Variants in RPS26 observed in about 807,000 individuals in gnomAD.
RPS26 encodes small ribosomal subunit protein eS26.
A neutral mutation model predicts 14.7 loss-of-function variants in RPS26; 1 was observed. That is an observed-to-expected ratio of 0.07 (90% CI 0.02 to 0.32). The LOEUF (loss-of-function observed/expected upper bound fraction) is 0.32, where lower values mean the gene tolerates loss of function less well. Ranked by LOEUF, RPS26 falls within the 10% of genes least tolerant of loss-of-function variation. The pLI, the probability that RPS26 is intolerant of heterozygous loss-of-function variation, is 1.00. For missense variants in RPS26, 63 were observed against 157.7 expected (o/e 0.40, Z 3.22); for synonymous variants, 59 against 53.1 (o/e 1.11, Z -0.48).
Position 56,041,974 on chromosome 12 carries a change from A to T in RPS26, c.-193A>T. 1.5e-6 allele frequency: 1 copy of T among 683,242 alleles called. No individual in the cohort carries two copies. Among genetic ancestry groups the T allele is most frequent in the Non-Finnish European group, 2.7e-6 (1 of 376,610 alleles). The allele number at this position is 683,242 out of a possible 1,614,324, so 42.3% of individuals were successfully genotyped here. On this transcript the variant is annotated 5_prime_UTR_variant, in exon 1 of 4. Transcript: ENST00000646449. ...CATGTGCACTTTGTTCCATGGATAA[A>T]TAAACACTAGGAACGCATTTCCACC...
At chr12:56,042,669 C>T in intron 2 of RPS26, 67 bp downstream of exon 2, 2 of 1,374,102 alleles carry the variant, frequency 1.5e-6, no homozygotes, top group Non-Finnish European at 2.1e-6. Flanking sequence ...CCAACTTCGC[C>T]CTTTTGGAGG....
intron 2 of RPS26, 103 bp from the exon 3 acceptor site, chr12:56,043,260 T>C: frequency 8.6e-7 from 1 of 1,161,478 alleles, no homozygotes; most frequent in South Asian, 1.2e-5. Context: ...TTTAAATAGG[T>C]TTAGTTTTAA....
In RPS26 at chr12:56,042,524, G is replaced by T; in HGVS notation, c.103G>T (p.Ala35Ser). Residue 35 changes from alanine (A) to serine (S), a missense_variant, in exon 2 of 4, where the codon GCC becomes TCC. Transcript: ENST00000646449. The part of the protein sequence containing the change: ...NCARCVPKDK[A>S]IKKFVIRNIV... ...TGCCCGATGCGTGCCCAAGGACAAG[G>T]CCATTAAGAAATTCGTCATTCGAAA... The T allele has an allele frequency of 8.7e-6, 14 of 1,602,134 alleles. No individual in the cohort carries two copies. The highest frequency in any genetic ancestry group is 1.2e-5 in the Non-Finnish European group (14 of 1,177,378).
At position 56,042,416 on chromosome 12, in the gene RPS26, C is replaced by T. The variant is rs1282066272; in HGVS notation, c.4-9C>T. 3.1e-6 allele frequency: 5 copies of T among 1,613,922 alleles called. No homozygotes were observed. Among genetic ancestry groups the T allele is most frequent in the African/African-American group, 1.3e-5 (1 of 75,064 alleles). ...CCGTTTTCCTAACAGTTTTCCCATC[C>T]TGTCGCAGACAAAGAAAAGAAGGAA... On this transcript the variant is annotated splice_polypyrimidine_tract_variant and intron_variant, in intron 1 of 3. Coordinates refer to ENST00000646449, the MANE Select transcript of RPS26 (RefSeq NM_001029.5).
chr12:56,042,309 A>G, intron 1 of RPS26, 116 bp from the exon 2 acceptor site: 3 of 1,515,636 alleles, frequency 2.0e-6, no homozygotes, highest in Non-Finnish European at 2.7e-6. Context: ...TTTGCGGAGA[A>G]ACAGGAGATC....
At position 56,044,176 on chromosome 12, in the gene RPS26, G is replaced by A. The variant is rs1476182143; in HGVS notation, c.*22G>A. On this transcript the variant is annotated 3_prime_UTR_variant, in exon 4 of 4. Coordinates refer to ENST00000646449, the MANE Select transcript of RPS26 (RefSeq NM_001029.5). ...GTAAGGAGCTGAGTTCTTAAAGACT[G>A]AAGACAGGCTATTCTCTGGAGAAAA... is the stretch of plus-strand genomic sequence containing the variant. 2.6e-6 allele frequency: 4 copies of A among 1,561,622 alleles called. No individual in the cohort carries two copies. The highest frequency in any genetic ancestry group is 3.5e-6 in the Non-Finnish European group (4 of 1,132,798).
At chr12:56,043,022 T>C (rs1475538250) in intron 2 of RPS26, 2 of 398,914 alleles carry the variant, frequency 5.0e-6, no homozygotes, top group East Asian at 1.2e-4. Flanking sequence ...TTTGTTTTTT[T>C]CCTTTTATAG....
Position 56,042,482 on chromosome 12 carries a change from A to C in RPS26, c.61A>C (p.Ile21Leu), listed in dbSNP as rs1392801928. 2 of 1,610,774 alleles carry C rather than the reference A, an allele frequency of 1.2e-6. No homozygotes were observed. The highest frequency in any genetic ancestry group is 8.5e-7 in the Non-Finnish European group (1 of 1,178,358). ...AAAGGGCCGCGGCCACGTGCAGCCT[A>C]TTCGCTGCACTAACTGTGCCCGATG... ...AKKGRGHVQPIRCTNCARCVP... is the reference protein window; with the variant it reads ...AKKGRGHVQPLRCTNCARCVP... The change falls in exon 2 of 4, where the codon ATT (isoleucine) becomes CTT (leucine). Residue 21 changes from isoleucine (I) to leucine (L), a missense_variant. Physicochemically the swap from Ile to Leu is conservative, Grantham distance 5. Coordinates refer to ENST00000646449, the MANE Select transcript of RPS26 (RefSeq NM_001029.5).
chr12:56,042,673 T>C (rs2136753990), intron 2 of RPS26, 71 bp downstream of exon 2: 2 of 1,334,922 alleles, frequency 1.5e-6, no homozygotes, highest in Non-Finnish European at 2.1e-6. Flanking sequence ...CTTCGCCCTT[T>C]TGGAGGCTCT....
rs869197374 is a variant in RPS26 at position 56,044,337 on chromosome 12, AT to A, written c.*190del. On this transcript the variant is annotated 3_prime_UTR_variant, in exon 4 of 4. Coordinates refer to ENST00000646449, the MANE Select transcript of RPS26 (RefSeq NM_001029.5). Reference sequence around the variant, plus strand: ...GAAGAAAGCTTATTCATGTAATTTAATTTTTTTCTTTTTTTTTTTTTTTTTT... The same window carrying A: ...GAAGAAAGCTTATTCATGTAATTTAATTTTTTCTTTTTTTTTTTTTTTTTT... The A allele has an allele frequency of 1.7e-5, 8 of 461,624 alleles. No homozygotes were observed. The highest frequency in any genetic ancestry group is 1.7e-4 in the South Asian group (5 of 29,202). 28.6% of individuals were successfully genotyped at this position (461,624 alleles called of 1,614,324 possible). A position where few individuals can be genotyped will look rare whatever the true frequency, so the allele number is the denominator to read the frequency against.
chr12:56,042,112 T>A lies in RPS26; in HGVS notation c.-55T>A, dbSNP rs1178741533. 5.0e-6 allele frequency: 8 copies of A among 1,594,632 alleles called. No homozygotes were observed. The highest frequency in any genetic ancestry group is 1.3e-5 in the African/African-American group (1 of 74,714). The stretch of plus-strand genomic sequence containing the variant: ...CGGTGTCCGCGTAGGGATCTCATGC[T>A]ATATAGGAGGGCCCTGCCAGGCACC... On this transcript the variant is annotated 5_prime_UTR_variant, in exon 1 of 4. Transcript: ENST00000646449.
At position 56,042,286 on chromosome 12, in the gene RPS26, G is replaced by C. The variant is rs1024274317; in HGVS notation, c.3+117G>C. 9.9e-6 allele frequency: 15 copies of C among 1,522,420 alleles called. No homozygotes were observed. In the African/African-American group the frequency reaches 1.5e-4, roughly 15 times the overall value. The allele number at this position is 1,522,420 out of a possible 1,614,324, so 94.3% of individuals were successfully genotyped here. A position where few individuals can be genotyped will look rare whatever the true frequency, so the allele number is the denominator to read the frequency against. Reference sequence around the variant, plus strand: ...CCGAGTGTACATTTCATTTGCTCTGGGGGTCGGCGGGATTTGCGGAGAAAC... The same window carrying C: ...CCGAGTGTACATTTCATTTGCTCTGCGGGTCGGCGGGATTTGCGGAGAAAC... On this transcript the variant is annotated intron_variant, in intron 1 of 3. Transcript: ENST00000646449.
At chr12:56,042,801 G>A in intron 2 of RPS26, 199 bp downstream of exon 2, 2 of 647,270 alleles carry the variant, frequency 3.1e-6, no homozygotes, top group Non-Finnish European at 5.5e-6. Context: ...GTGATAGAGT[G>A]CACAGCCTTT....
Position 56,042,472 on chromosome 12 carries a change from C to T in RPS26, c.51C>T (p.His17=). ...NNGRAKKGRG[H]VQPIRCTNCA... ...GTCGTGCCAAAAAGGGCCGCGGCCACGTGCAGCCTATTCGCTGCACTAACT... is the reference window on the plus strand; with the variant it reads ...GTCGTGCCAAAAAGGGCCGCGGCCATGTGCAGCCTATTCGCTGCACTAACT... Residue 17 remains histidine, a synonymous_variant, in exon 2 of 4, where the codon CAC becomes CAT. Transcript: ENST00000646449. 1.2e-6 allele frequency: 2 copies of T among 1,611,618 alleles called. No homozygotes were observed. Among genetic ancestry groups the T allele is most frequent in the African/African-American group, 1.3e-5 (1 of 75,020 alleles).
chr12:56,042,371 C>T, intron 1 of RPS26, 54 bp from the exon 2 acceptor site: 1 of 1,587,054 alleles, frequency 6.3e-7, no homozygotes, highest in African/African-American at 1.3e-5. Context: ...CGGAAAGGGA[C>T]TGAGGCTGGG....
Position 56,042,360 on chromosome 12 carries a change from C to T in RPS26, c.4-65C>T, listed in dbSNP as rs1421344607. On this transcript the variant is annotated intron_variant, in intron 1 of 3. Coordinates refer to ENST00000646449, the MANE Select transcript of RPS26 (RefSeq NM_001029.5). ...TGGAGGCTGCCGGTGCGGCTTGTGG[C>T]CGGAAAGGGACTGAGGCTGGGTGAG... 5 of 1,571,722 alleles carry T rather than the reference C, an allele frequency of 3.2e-6. No homozygotes were observed. In the African/African-American group the frequency reaches 6.8e-5, roughly 21 times the overall value.
At position 56,042,135 on chromosome 12, in the gene RPS26, A is replaced by C. The variant is rs1377257840; in HGVS notation, c.-32A>C. The C allele has an allele frequency of 6.2e-7, 1 of 1,613,558 alleles. No homozygotes were observed. Among genetic ancestry groups the C allele is most frequent in the African/African-American group, 1.3e-5 (1 of 74,890 alleles). ...GCTATATAGGAGGGCCCTGCCAGGC[A>C]CCGTCTCCTCTCTCCGGTCCGTGCC... On this transcript the variant is annotated 5_prime_UTR_variant, in exon 1 of 4. Coordinates refer to ENST00000646449, the MANE Select transcript of RPS26 (RefSeq NM_001029.5).
In RPS26 at chr12:56,041,961, G is replaced by C. The variant is rs902238804; in HGVS notation, c.-206G>C. 1 of 663,734 alleles carries C rather than the reference G, an allele frequency of 1.5e-6. No individual in the cohort carries two copies. The highest frequency in any genetic ancestry group is 2.2e-5 in the Admixed American group (1 of 45,826). 41.1% of individuals were successfully genotyped at this position (663,734 alleles called of 1,614,324 possible). ...GGCTAAATAGTCCCATGTGCACTTTGTTCCATGGATAAATAAACACTAGGA... is the reference window on the plus strand; with the variant it reads ...GGCTAAATAGTCCCATGTGCACTTTCTTCCATGGATAAATAAACACTAGGA... On this transcript the variant is annotated 5_prime_UTR_variant, in exon 1 of 4. Transcript: ENST00000646449.
At chr12:56,043,149 G>A in intron 2 of RPS26, 3 of 533,558 alleles carry the variant, frequency 5.6e-6, no homozygotes, top group South Asian at 2.0e-5. Context: ...ATGAACTCAC[G>A]TGGGATGTTA....
Sources: allele counts gnomAD v4.1 joint callset, GRCh38; gene constraint gnomAD v4.1.1; transcripts MANE v1.5; gene names NCBI Gene and HGNC (gene_info 2026-07-23, HGNC 2026-07-21).